Variants in COL13A1 observed in about 807,000 individuals in gnomAD.
COL13A1 encodes collagen type XIII alpha 1 chain.
A neutral mutation model predicts 130.9 loss-of-function variants in COL13A1; 89 were observed. That is an observed-to-expected ratio of 0.68 (90% CI 0.57 to 0.81). COL13A1 has a LOEUF of 0.81. COL13A1 is among the 30% of genes least tolerant of loss of function. The pLI is 0.00. For missense variants in COL13A1, 879 were observed against 934.6 expected, an observed-to-expected ratio of 0.94 and a Z score of 0.78; for synonymous variants, 402 against 341.6, an observed-to-expected ratio of 1.18 and a Z score of -1.95.
intron 27 of COL13A1, among the ~76,000 whole-genome samples, chr10:69,927,317 C>T (rs1218788554): frequency 6.6e-6 from 1 of 152,114 alleles, no homozygotes; most frequent in East Asian, 1.9e-4. Flanking sequence ...GCTGCCCGTG[C>T]CCTGGGTCAT....
intron 10 of COL13A1, among the ~76,000 whole-genome samples, chr10:69,893,925 G>A (rs763374193): frequency 3.7e-4 from 57 of 152,178 alleles, no homozygotes; most frequent in Non-Finnish European, 7.6e-4. Context: ...CAGAGCATGC[G>A]GGGCCCTCCC....
chr10:69,902,626 C>G (rs565233853), intron 14 of COL13A1, 122 bp from the exon 15 acceptor site: 2 of 710,124 alleles, frequency 2.8e-6, no homozygotes, highest in East Asian at 6.3e-5. Context: ...CTTCCTCCCC[C>G]CATCACCACT....
In COL13A1 at chr10:69,895,557, G is replaced by A. The variant is rs1408520251; in HGVS notation, c.665G>A (p.Cys222Tyr). The change falls in exon 13 of 41, where the codon TGT becomes TAT. Residue 222 changes from cysteine to tyrosine, a missense_variant. Physicochemically the swap from Cys to Tyr is radical, Grantham distance 194 (BLOSUM62 -2). Transcript: ENST00000645393. ...PQGQKGEKGQ[C>Y]GEYPHRLLPL... ...CTTCCCTCTCCTTCCCAGGGTCAGTGTGGAGAGTACCCACACCGGGTAAGT... is the reference window on the plus strand; with the variant it reads ...CTTCCCTCTCCTTCCCAGGGTCAGTATGGAGAGTACCCACACCGGGTAAGT... The A allele has an allele frequency of 1.9e-6, 3 of 1,613,884 alleles. No individual in the cohort carries two copies. Among genetic ancestry groups the A allele is most frequent in the Non-Finnish European group, 2.5e-6 (3 of 1,179,902 alleles).
chr10:69,824,947 A>G (rs999670161), intron 2 of COL13A1, among the ~76,000 whole-genome samples: 1 of 152,190 alleles, frequency 6.6e-6, no homozygotes, highest in African/African-American at 2.4e-5. Flanking sequence ...ATTTCACATC[A>G]TGGAATCACA....
intron 23 of COL13A1, 130 bp from the exon 24 acceptor site, chr10:69,923,672 T>G (rs780364701): frequency 1.7e-6 from 2 of 1,202,714 alleles, no homozygotes. Flanking sequence ...GAGTGGGAGG[T>G]GCAGAAGCCA....
At chr10:69,915,541 C>T (rs1402933139) in intron 17 of COL13A1, among the ~76,000 whole-genome samples, 1 of 152,204 alleles carries the variant, frequency 6.6e-6, no homozygotes. Context: ...ATTACAAACG[C>T]TAAGTGGTCC....
chr10:69,806,907 C>A (rs2004076), intron 1 of COL13A1, among the ~76,000 whole-genome samples: 70,543 of 151,970 alleles, frequency 0.46, 16,619 homozygotes, highest in African/African-American at 0.5. Flanking sequence ...ACTCGGGAGG[C>A]TAAGGCAGGA....
chr10:69,813,866 G>A (rs149773393), intron 1 of COL13A1, among the ~76,000 whole-genome samples: 58 of 152,288 alleles, frequency 3.8e-4, no homozygotes, highest in Non-Finnish European at 2.6e-4. Flanking sequence ...TGAGCAGCCA[G>A]GTCCTGCCTC....
intron 2 of COL13A1, among the ~76,000 whole-genome samples, chr10:69,827,715 C>T (rs773782570): frequency 6.6e-6 from 1 of 152,152 alleles, no homozygotes; most frequent in Non-Finnish European, 1.5e-5. Context: ...GGTTGTTTTT[C>T]CACAGCTGAT....
At chr10:69,927,979 G>GT (rs2065598041) in intron 27 of COL13A1, among the ~76,000 whole-genome samples, 1 of 152,126 alleles carries the variant, frequency 6.6e-6, no homozygotes, top group Non-Finnish European at 1.5e-5. Flanking sequence ...GGCCAACATG[G>GT]TGTCTCTACT....
chr10:69,901,184 CGGGTGG>C (rs2062146964), intron 14 of COL13A1, among the ~76,000 whole-genome samples: 1 of 152,112 alleles, frequency 6.6e-6, no homozygotes, highest in South Asian at 2.1e-4. Context: ...AACATGCAGC[CGGGTGG>C]GGGACCTGCA....
intron 32 of COL13A1, among the ~76,000 whole-genome samples, chr10:69,936,201 C>T (rs948413095): frequency 2.7e-5 from 4 of 150,634 alleles, no homozygotes; most frequent in Admixed American, 6.6e-5. Context: ...GAAGGAAGGG[C>T]GAGCCCCAGC....
intron 5 of COL13A1, 78 bp from the exon 6 acceptor site, chr10:69,877,961 G>T: frequency 1.4e-6 from 1 of 691,208 alleles, no homozygotes. Flanking sequence ...TCTCGTGTGG[G>T]TGCCTCTTTC....
chr10:69,950,282 G>A (rs984994528), intron 38 of COL13A1, among the ~76,000 whole-genome samples: 1 of 152,048 alleles, frequency 6.6e-6, no homozygotes, highest in African/African-American at 2.4e-5. Flanking sequence ...CTGTGCAATG[G>A]ATCTCTTTTG....
At chr10:69,951,646 T>C (rs897781831) in intron 38 of COL13A1, among the ~76,000 whole-genome samples, 1 of 152,228 alleles carries the variant, frequency 6.6e-6, no homozygotes, top group Non-Finnish European at 1.5e-5. Context: ...ATTACAGACA[T>C]GAGCCACCAT....
chr10:69,815,833 C>A (rs188257828), intron 1 of COL13A1, among the ~76,000 whole-genome samples: 4 of 152,020 alleles, frequency 2.6e-5, no homozygotes, highest in Non-Finnish European at 5.9e-5. Context: ...TATCCAGGTC[C>A]TTGTCGAACT....
At chr10:69,851,015 C>G (rs562068056) in intron 2 of COL13A1, among the ~76,000 whole-genome samples, 1 of 151,570 alleles carries the variant, frequency 6.6e-6, no homozygotes, top group Non-Finnish European at 1.5e-5. Context: ...CACAGCACAG[C>G]AGGCACTACA....
intron 21 of COL13A1, among the ~76,000 whole-genome samples, chr10:69,920,590 CT>C (rs1412612142): frequency 6.6e-6 from 1 of 152,168 alleles, no homozygotes; most frequent in Non-Finnish European, 1.5e-5. Flanking sequence ...AGAGAGAGAC[CT>C]TTGAGAGACC....
chr10:69,876,030 C>T (rs577596139), intron 5 of COL13A1, among the ~76,000 whole-genome samples: 5 of 152,352 alleles, frequency 3.3e-5, no homozygotes, highest in African/African-American at 9.6e-5. Flanking sequence ...TGTGAATTTG[C>T]TTGCCTGGTG....
Sources: gnomAD v4.1 joint callset for allele counts (sites outside exome capture counted in the v4.1 genomes callset) on GRCh38, gnomAD v4.1.1 for gene constraint, MANE v1.5 for transcripts, NCBI Gene and HGNC (gene_info 2026-07-23, HGNC 2026-07-21) for gene names.